AGPAT4: variants seen among roughly 807,000 people sequenced by gnomAD.
The protein encoded by AGPAT4 is 1-acylglycerol-3-phosphate O-acyltransferase 4.
A neutral mutation model predicts 48.0 loss-of-function variants in AGPAT4; 15 were observed. The ratio of observed to expected loss-of-function variants is 0.31; its 90% CI spans 0.21 to 0.48. AGPAT4 has a LOEUF of 0.48. Among genes scored for constraint, AGPAT4 ranks in the 20% least tolerant of loss-of-function variants. The pLI, the probability that AGPAT4 is intolerant of heterozygous loss-of-function variation, is 0.99. For synonymous variants in AGPAT4, 178 were observed against 198.7 expected (o/e 0.90, Z 0.88); for missense variants, 314 against 482.5 (o/e 0.65, Z 3.27).
rs1202690397 is a variant in AGPAT4 at position 161,166,586 on chromosome 6, A to G, written c.179-169T>C. Among the ~76,000 whole-genome samples, 7 of 152,218 alleles carry G rather than the reference A, an allele frequency of 4.6e-5. No homozygotes were observed. Among genetic ancestry groups the G allele is most frequent in the Non-Finnish European group, 7.3e-5 (5 of 68,038 alleles). The stretch of plus-strand genomic sequence containing the variant: ...GTCCTTGAAAGGGTTCAGAAGCGGA[A>G]GGAAACACGAGAAAGACTTCACAAC... On this transcript the variant is annotated intron_variant, in intron 2 of 8. Transcript: ENST00000320285. The surrounding 1 kb of genome is among the most constrained non-coding windows in gnomAD (Gnocchi z 6.7).
chr6:161,159,252 G>A lies in AGPAT4; in HGVS notation c.349-4942C>T, dbSNP rs553153809. Among the ~76,000 whole-genome samples, 6 of 152,254 alleles carry A rather than the reference G, an allele frequency of 3.9e-5. No homozygotes were observed. Among genetic ancestry groups the A allele is most frequent in the East Asian group, 1.9e-4 (1 of 5,178 alleles). On this transcript the variant is annotated intron_variant, in intron 3 of 8. Coordinates refer to ENST00000320285, the MANE Select transcript of AGPAT4 (RefSeq NM_020133.3). The surrounding 1 kb of genome is among the most constrained non-coding windows in gnomAD (Gnocchi z 4.1). ...CCATTCTGATGTATGGTGCATAAGC[G>A]CATCAGATTGGAATCTTCAACCCAA...
At chr6:161,156,347 C>A (rs779104747) in intron 3 of AGPAT4, among the ~76,000 whole-genome samples, 1 of 152,158 alleles carries the variant, frequency 6.6e-6, no homozygotes, top group South Asian at 2.1e-4. Context: ...GCTGCCTTCA[C>A]GCTACACACA....
chr6:161,165,709 T>A lies in AGPAT4; in HGVS notation c.348+539A>T. On this transcript the variant is annotated intron_variant, in intron 3 of 8. Coordinates refer to ENST00000320285, the MANE Select transcript of AGPAT4 (RefSeq NM_020133.3). This position sits in a 1 kb window ranked among gnomAD's most constrained non-coding sequence, Gnocchi z 5.5. ...AGGCATGCAAGCTACGTGCAAGAGGTCAAACTAGTTGGGAAAAAAAAAAAA... is the reference window on the plus strand; with the variant it reads ...AGGCATGCAAGCTACGTGCAAGAGGACAAACTAGTTGGGAAAAAAAAAAAA... 9.9e-7 allele frequency: 1 copy of A among 1,008,374 alleles called. No individual in the cohort carries two copies. Among genetic ancestry groups the A allele is most frequent in the South Asian group, 1.3e-5 (1 of 75,024 alleles). 62.5% of individuals were successfully genotyped at this position (1,008,374 alleles called of 1,614,324 possible).
intron 2 of AGPAT4, among the ~76,000 whole-genome samples, chr6:161,194,325 A>G (rs961514427): frequency 1.3e-5 from 2 of 152,204 alleles, no homozygotes; most frequent in Non-Finnish European, 2.9e-5. Flanking sequence ...GACGCACGAC[A>G]CTAATCTAAA....
chr6:161,229,477 CTT>C lies in AGPAT4; in HGVS notation c.178+2557_178+2558del, dbSNP rs1377768047. Among the ~76,000 whole-genome samples the C allele has an allele frequency of 6.6e-6, 1 of 152,126 alleles. No homozygotes were observed. The highest frequency in any genetic ancestry group is 1.5e-5 in the Non-Finnish European group (1 of 68,010). Reference sequence around the variant, plus strand: ...GGCCCAGCAAGGCTTCCTAAACACTCTTTTTACATGGCCTTGGTTACTGTGAA... The same window carrying C: ...GGCCCAGCAAGGCTTCCTAAACACTCTTTACATGGCCTTGGTTACTGTGAA... On this transcript the variant is annotated intron_variant, in intron 2 of 8. Coordinates refer to ENST00000320285, the MANE Select transcript of AGPAT4 (RefSeq NM_020133.3). This position sits in a 1 kb window ranked among gnomAD's most constrained non-coding sequence, Gnocchi z 6.0.
Position 161,243,240 on chromosome 6 carries a change from G to A in AGPAT4, c.-89-10938C>T, listed in dbSNP as rs1309164348. ...GACATGGGAGCTGGGGACAGTGAAG[G>A]GGCAGCTCTCCCCTTGGGGTTACCA... On this transcript the variant is annotated intron_variant, in intron 1 of 8. Transcript: ENST00000320285. This position sits in a 1 kb window ranked among gnomAD's most constrained non-coding sequence, Gnocchi z 4.8. Among the ~76,000 whole-genome samples the A allele has an allele frequency of 6.6e-6, 1 of 152,150 alleles. No individual in the cohort carries two copies. The highest frequency in any genetic ancestry group is 1.9e-4 in the East Asian group (1 of 5,192).
chr6:161,230,408 C>T (rs994174539), intron 2 of AGPAT4, among the ~76,000 whole-genome samples: 2 of 152,172 alleles, frequency 1.3e-5, no homozygotes, highest in African/African-American at 4.8e-5. Context: ...AATGAAAAAG[C>T]GTAATCAGTA....
At chr6:161,170,115 A>C (rs34025755) in intron 2 of AGPAT4, among the ~76,000 whole-genome samples, 2 of 152,008 alleles carry the variant, frequency 1.3e-5, no homozygotes, top group African/African-American at 4.8e-5. Flanking sequence ...GCCCATTCTC[A>C]TGAGGCTCCC....
rs1425494996 is a variant in AGPAT4, at chr6:161,196,258, G to T, written c.179-29841C>A. On this transcript the variant is annotated intron_variant, in intron 2 of 8. Transcript: ENST00000320285. The surrounding 1 kb of genome is among the most constrained non-coding windows in gnomAD (Gnocchi z 4.3). ...TAAGAAAAAGCCAGGAACTGGAGAG[G>T]CTAGGGGCTGGAGGGAAATCTGCAG... Among the ~76,000 whole-genome samples, 1 of 152,172 alleles carries T rather than the reference G, an allele frequency of 6.6e-6. No individual in the cohort carries two copies. The highest frequency in any genetic ancestry group is 1.5e-5 in the Non-Finnish European group (1 of 68,044).
Position 161,232,992 on chromosome 6 carries a change from T to A in AGPAT4, c.-89-690A>T, listed in dbSNP as rs749547132. On this transcript the variant is annotated intron_variant, in intron 1 of 8. Transcript: ENST00000320285. The surrounding 1 kb of genome is among the most constrained non-coding windows in gnomAD (Gnocchi z 6.8). The stretch of plus-strand genomic sequence containing the variant: ...TATTTGTAGAATGATTTAGTGAAGG[T>A]ACACGAGGGCTCAACTTTGAGGCTA... 2.0e-5 allele frequency among the ~76,000 whole-genome samples: 3 copies of A among 152,076 alleles called. No individual in the cohort carries two copies. Among genetic ancestry groups the A allele is most frequent in the Non-Finnish European group, 4.4e-5 (3 of 68,012 alleles).
rs1396212329 is a variant in AGPAT4 at position 161,158,318 on chromosome 6, C to T, written c.349-4008G>A. ...AGGCTTCCATGTGTGATGCCAACAG[C>T]TTTCAGAGAGAATGTACAAGAAAAT... On this transcript the variant is annotated intron_variant, in intron 3 of 8. Transcript: ENST00000320285. This position sits in a 1 kb window ranked among gnomAD's most constrained non-coding sequence, Gnocchi z 5.3. 6.6e-6 allele frequency among the ~76,000 whole-genome samples: 1 copy of T among 152,174 alleles called. No homozygotes were observed. The highest frequency in any genetic ancestry group is 1.5e-5 in the Non-Finnish European group (1 of 68,036).
chr6:161,273,776 CCCCCGCCCGCCTTGCACT>C, intron 1 of AGPAT4, among the ~76,000 whole-genome samples, 144 bp downstream of exon 1: 1 of 124,798 alleles, frequency 8.0e-6, no homozygotes, highest in Non-Finnish European at 1.7e-5. Flanking sequence ...CTGCACCTTT[CCCCCGCCCGCCTTGCACT>C]CCCCCCCCGC....
Position 161,149,132 on chromosome 6 carries a change from G to T in AGPAT4, c.767+55C>A. 1 of 1,587,838 alleles carries T rather than the reference G, an allele frequency of 6.3e-7. No homozygotes were observed. The highest frequency in any genetic ancestry group is 8.6e-7 in the Non-Finnish European group (1 of 1,168,852). On this transcript the variant is annotated intron_variant, in intron 6 of 8. Coordinates refer to ENST00000320285, the MANE Select transcript of AGPAT4 (RefSeq NM_020133.3). The surrounding 1 kb of genome is among the most constrained non-coding windows in gnomAD (Gnocchi z 6.5). ...AGAAAGTCTCTAGGTCATTTGTGATGTGTTTACTTTGAAATGGGCACTGTC... is the reference window on the plus strand; with the variant it reads ...AGAAAGTCTCTAGGTCATTTGTGATTTGTTTACTTTGAAATGGGCACTGTC...
At chr6:161,205,810 T>G (rs1236250264) in intron 2 of AGPAT4, among the ~76,000 whole-genome samples, 1 of 152,152 alleles carries the variant, frequency 6.6e-6, no homozygotes, top group African/African-American at 2.4e-5. Context: ...TTGATCTTCT[T>G]TTCAGAGTTG....
In AGPAT4 at chr6:161,249,858, G is replaced by A. The variant is rs565640762; in HGVS notation, c.-89-17556C>T. ...CGTTCTATCATAAAGACACATGCAC[G>A]CTTATGTTCATTGCAGTACTACTGC... On this transcript the variant is annotated intron_variant, in intron 1 of 8. Coordinates refer to ENST00000320285, the MANE Select transcript of AGPAT4 (RefSeq NM_020133.3). The surrounding 1 kb of genome is among the most constrained non-coding windows in gnomAD (Gnocchi z 6.2). Among the ~76,000 whole-genome samples the A allele has an allele frequency of 7.9e-5, 12 of 152,230 alleles. No homozygotes were observed. The South Asian group carries it at 8.3e-4, about 11-fold the overall frequency.
intron 2 of AGPAT4, among the ~76,000 whole-genome samples, chr6:161,183,752 G>A (rs1265678739): frequency 7.3e-6 from 1 of 137,440 alleles, no homozygotes; most frequent in African/African-American, 2.8e-5. Context: ...GGGAGGGGAG[G>A]GAGGCTGATC....
At chr6:161,253,454 C>T (rs1264527120) in intron 1 of AGPAT4, among the ~76,000 whole-genome samples, 2 of 151,428 alleles carry the variant, frequency 1.3e-5, no homozygotes, top group East Asian at 2.0e-4. Flanking sequence ...CGGGGTTTCA[C>T]GGTGTTAGCC....
rs1779830421 is a variant in AGPAT4, at chr6:161,158,614, A to G, written c.349-4304T>C. Among the ~76,000 whole-genome samples the G allele has an allele frequency of 6.6e-6, 1 of 152,198 alleles. No individual in the cohort carries two copies. The highest frequency in any genetic ancestry group is 2.1e-4 in the South Asian group (1 of 4,830). On this transcript the variant is annotated intron_variant, in intron 3 of 8. Transcript: ENST00000320285. The surrounding 1 kb of genome is among the most constrained non-coding windows in gnomAD (Gnocchi z 5.3). ...CCATGACCTGGTCTGCATCTCTGGC[A>G]AGTGGGCCAGCCCTTGCAGAGACCC...
chr6:161,176,759 G>T (rs1780442052), intron 2 of AGPAT4, among the ~76,000 whole-genome samples: 1 of 152,192 alleles, frequency 6.6e-6, no homozygotes. Context: ...AATTTGGCAT[G>T]TTTTTGTAGT....
Sources: gnomAD v4.1 joint callset for allele counts (sites outside exome capture counted in the v4.1 genomes callset) on GRCh38, gnomAD v4.1.1 for gene constraint, Gnocchi (gnomAD v3.1) non-coding constraint, MANE v1.5 for transcripts, NCBI Gene and HGNC (gene_info 2026-07-23, HGNC 2026-07-21) for gene names.